The following EPRS1 variants were observed in gnomAD, a reference collection of about 807,000 sequenced individuals.
EPRS1 encodes glutamyl-prolyl-tRNA synthetase 1.
Under a neutral mutation model 188.3 loss-of-function variants are expected in EPRS1, and 107 were observed. The ratio of observed to expected loss-of-function variants is 0.57; its 90% CI spans 0.49 to 0.67. The LOEUF (loss-of-function observed/expected upper bound fraction) is 0.67. Among genes scored for constraint, EPRS1 ranks in the 30% least tolerant of loss-of-function variants. The pLI is 0.00. For synonymous variants in EPRS1, 596 were observed against 593.1 expected (o/e 1.00, Z -0.07); for missense variants, 1,577 against 1,802.2 (o/e 0.88, Z 2.26).
intron 6 of EPRS1, among the ~76,000 whole-genome samples, chr1:220,026,675 T>C (rs1661978409): frequency 6.6e-6 from 1 of 151,672 alleles, no homozygotes; most frequent in Non-Finnish European, 1.5e-5. Flanking sequence ...ATACTACAGG[T>C]GCCTGCCACC....
chr1:220,024,452 A>T lies in EPRS1; in HGVS notation c.755T>A (p.Ile252Asn). The T allele has an allele frequency of 6.3e-7, 1 of 1,598,036 alleles. No homozygotes were observed. Among genetic ancestry groups the T allele is most frequent in the Non-Finnish European group, 8.5e-7 (1 of 1,174,476 alleles). The change falls in exon 8 of 32, where the codon ATC becomes AAC. Residue 252 changes from isoleucine to asparagine, a missense_variant. By Grantham distance (149) the Ile-to-Asn change is moderately radical. Around this residue, in one of 3 missense-constraint regions of EPRS1, gnomAD observed 1,278 missense variants for 1,457.4 expected, o/e 0.88. Transcript: ENST00000366923. ...ATGCAACATTGCAACATCTTCCAAG[A>T]TAACCTGTAGTAAGAAACCAAAATA... ...EKEKEDFEKV[I>N]LEDVAMLHIK... is the part of the protein sequence containing the mutation.
rs144613889 is a variant in EPRS1 at position 220,001,234 on chromosome 1, G to A, written c.2085C>T (p.Ala695=). The A allele has an allele frequency of 1.9e-4, 314 of 1,611,884 alleles. 1 individual carries two copies. The African/African-American group carries it at 3.4e-3, about 18-fold the overall frequency. Residue 695 remains alanine (A), a synonymous_variant, in exon 17 of 32, where the codon GCC becomes GCT. Coordinates refer to ENST00000366923, the MANE Select transcript of EPRS1 (RefSeq NM_004446.3). The stretch of plus-strand genomic sequence containing the variant: ...CAGGAATGTATATCAAAACACACGG[G>A]GCTTCCTTGCAACTATATGGGCTAA... The part of the protein sequence containing the change: ...EPVSPYSCKE[A]PCVLIYIPDG...
At chr1:219,981,828 A>C (rs1660907611) in intron 23 of EPRS1, among the ~76,000 whole-genome samples, 1 of 152,234 alleles carries the variant, frequency 6.6e-6, no homozygotes, top group African/African-American at 2.4e-5. Context: ...CAATTCTCAC[A>C]TTCAACCCAC....
chr1:220,003,631 T>C (rs1444027537), intron 16 of EPRS1, among the ~76,000 whole-genome samples: 1 of 152,212 alleles, frequency 6.6e-6, no homozygotes, highest in African/African-American at 2.4e-5. Flanking sequence ...ATTCAGTTCT[T>C]CTAGCACTAT....
chr1:220,041,647 C>A (rs200891280), intron 1 of EPRS1, among the ~76,000 whole-genome samples: 2 of 152,146 alleles, frequency 1.3e-5, no homozygotes, highest in Admixed American at 1.3e-4. Flanking sequence ...TCGAGACCAG[C>A]CTGACCAACA....
At chr1:219,981,886 T>C (rs2647463) in intron 23 of EPRS1, among the ~76,000 whole-genome samples, 53,879 of 152,104 alleles carry the variant, frequency 0.35, 9,527 homozygotes, top group East Asian at 0.39. Flanking sequence ...GCTGAGTTTA[T>C]AGAAGCTAAA....
chr1:220,022,132 A>T (rs1409975021), intron 9 of EPRS1, among the ~76,000 whole-genome samples: 3 of 152,210 alleles, frequency 2.0e-5, no homozygotes, highest in Non-Finnish European at 4.4e-5. Context: ...TCATAGATGG[A>T]AGTGATCTTA....
chr1:220,010,818 A>G (rs1280943297), intron 13 of EPRS1, 128 bp downstream of exon 13: 6 of 600,698 alleles, frequency 1.0e-5, no homozygotes, highest in Admixed American at 5.7e-5. Flanking sequence ...CAAAAAAAAA[A>G]AAAAAAAGAA....
Position 219,968,947 on chromosome 1 carries a change from A to T in EPRS1, c.4398T>A (p.Asp1466Glu). 1 of 1,614,108 alleles carries T rather than the reference A, an allele frequency of 6.2e-7. No homozygotes were observed. The highest frequency in any genetic ancestry group is 8.5e-7 in the Non-Finnish European group (1 of 1,179,972). The change falls in exon 32 of 32, where the codon GAT (aspartate) becomes GAA (glutamate). Residue 1466 changes from aspartate (D) to glutamate (E), a missense_variant. This residue lies in a region of EPRS1 where 296 missense variants were observed against 327.9 expected (regional missense o/e 0.90). Coordinates refer to ENST00000366923, the MANE Select transcript of EPRS1 (RefSeq NM_004446.3). ...WIKKTTARDQ[D>E]LEPGAPSMGA... ...CCATGGATGGAGCACCAGGTTCAAG[A>T]TCTTGATCCCTGAAATTAATAACAA...
chr1:220,027,464 C>A (rs1230592499), intron 6 of EPRS1, among the ~76,000 whole-genome samples: 1 of 150,632 alleles, frequency 6.6e-6, no homozygotes, highest in Non-Finnish European at 1.5e-5. Context: ...TGGTGGTGGG[C>A]GCCTGTAATC....
chr1:220,017,487 G>A (rs1661744332), intron 12 of EPRS1, among the ~76,000 whole-genome samples: 2 of 152,138 alleles, frequency 1.3e-5, no homozygotes, highest in Admixed American at 6.5e-5. Context: ...TTTATTATTA[G>A]TAACTGCAGC....
intron 18 of EPRS1, among the ~76,000 whole-genome samples, chr1:219,991,788 G>A (rs559045725): frequency 6.6e-6 from 1 of 152,072 alleles, no homozygotes; most frequent in African/African-American, 2.4e-5. Flanking sequence ...GGGCTGATTC[G>A]TTTACCTAAA....
At chr1:219,981,199 C>T (rs1052134227) in intron 24 of EPRS1, among the ~76,000 whole-genome samples, 179 bp downstream of exon 24, 4 of 151,956 alleles carry the variant, frequency 2.6e-5, no homozygotes, top group African/African-American at 9.7e-5. Flanking sequence ...CGCCCAGCCA[C>T]TTTCCAATTT....
At chr1:219,994,729 T>A (rs1301235565) in intron 18 of EPRS1, among the ~76,000 whole-genome samples, 1 of 142,640 alleles carries the variant, frequency 7.0e-6, no homozygotes, top group Non-Finnish European at 1.5e-5. Flanking sequence ...CTCAGCTCAC[T>A]CCAAGCTTTC....
intron 29 of EPRS1, among the ~76,000 whole-genome samples, chr1:219,972,838 A>G (rs1435723371): frequency 6.6e-6 from 1 of 152,210 alleles, no homozygotes; most frequent in Non-Finnish European, 1.5e-5. Context: ...TTAACAGTAT[A>G]GTTTCCAGGC....
chr1:220,002,962 G>A (rs147773174), intron 16 of EPRS1, among the ~76,000 whole-genome samples: 1 of 152,294 alleles, frequency 6.6e-6, no homozygotes, highest in East Asian at 1.9e-4. Flanking sequence ...ACATTTTTGT[G>A]TGAACATGTT....
intron 16 of EPRS1, among the ~76,000 whole-genome samples, chr1:220,002,168 A>T (rs115576455): frequency 2.5e-4 from 37 of 150,990 alleles, no homozygotes; most frequent in Middle Eastern, 3.4e-3. Context: ...GTCTCTACTT[A>T]AAAAATACAA....
At chr1:220,032,093 G>T (rs11118489) in intron 5 of EPRS1, among the ~76,000 whole-genome samples, 19,946 of 147,898 alleles carry the variant, frequency 0.13, 2,088 homozygotes, top group East Asian at 0.34. Context: ...TTTTTTTTTT[G>T]AGATAGAGTC....
intron 6 of EPRS1, among the ~76,000 whole-genome samples, chr1:220,027,411 G>C (rs1026653034): frequency 1.0e-4 from 14 of 137,332 alleles, no homozygotes; most frequent in African/African-American, 3.0e-4. Flanking sequence ...CCGGGCGACA[G>C]AGCAAGACTC....
Sources: gnomAD v4.1 joint callset for allele counts (sites outside exome capture counted in the v4.1 genomes callset) on GRCh38, gnomAD v4.1.1 for gene constraint, gnomAD v4.1.1 regional missense constraint, MANE v1.5 for transcripts, NCBI Gene and HGNC (gene_info 2026-07-23, HGNC 2026-07-21) for gene names.